Variants in MAD1L1 observed in about 807,000 individuals in gnomAD.
MAD1L1 encodes mitotic spindle assembly checkpoint protein MAD1.
In MAD1L1, 95 loss-of-function variants were observed where a neutral mutation model predicts 96.9. The observed-to-expected ratio is 0.98, with a 90% CI of 0.83 to 1.16. MAD1L1 has a LOEUF of 1.16. MAD1L1 is among the 50% of genes most tolerant of loss of function. MAD1L1 has a pLI of 0.00. For synonymous variants in MAD1L1, 473 were observed against 396.6 expected (o/e 1.19, Z -2.29); for missense variants, 1,007 against 954.4 (o/e 1.06, Z -0.73).
intron 11 of MAD1L1, among the ~76,000 whole-genome samples, chr7:2,144,098 C>A (rs551887217): frequency 6.6e-6 from 1 of 152,340 alleles, no homozygotes; most frequent in South Asian, 2.1e-4. Context: ...GCAAACACAT[C>A]CCACAGAGCT....
chr7:2,197,666 G>A (rs575728018), intron 10 of MAD1L1, among the ~76,000 whole-genome samples: 6 of 152,276 alleles, frequency 3.9e-5, no homozygotes, highest in Non-Finnish European at 8.8e-5. Context: ...AATCCCTCCA[G>A]ACTCGGGCCA....
intron 12 of MAD1L1, among the ~76,000 whole-genome samples, chr7:2,046,011 G>A (rs1423036957): frequency 6.6e-6 from 1 of 152,190 alleles, no homozygotes; most frequent in Non-Finnish European, 1.5e-5. Context: ...TGGAGGCCCT[G>A]TAAGGGAAGG....
At chr7:1,959,919 TA>T (rs914909126) in intron 15 of MAD1L1, among the ~76,000 whole-genome samples, 1 of 151,634 alleles carries the variant, frequency 6.6e-6, no homozygotes, top group Non-Finnish European at 1.5e-5. Flanking sequence ...TCAGGTCTCT[TA>T]AAAAAATTTA....
intron 12 of MAD1L1, among the ~76,000 whole-genome samples, chr7:2,063,812 C>G (rs146685814): frequency 7.2e-4 from 110 of 152,336 alleles, no homozygotes; most frequent in African/African-American, 2.5e-3. Context: ...ACGGGCCACT[C>G]TGACCCTGAG....
chr7:2,010,388 TCTCCACACAC>T (rs1782241179), intron 13 of MAD1L1, among the ~76,000 whole-genome samples: 1 of 152,120 alleles, frequency 6.6e-6, no homozygotes, highest in African/African-American at 2.4e-5. Flanking sequence ...AAACGGGGAT[TCTCCACACAC>T]CTCCACACGG....
intron 10 of MAD1L1, among the ~76,000 whole-genome samples, chr7:2,169,652 C>G (rs1030021587): frequency 6.6e-6 from 1 of 152,162 alleles, no homozygotes; most frequent in Non-Finnish European, 1.5e-5. Context: ...GAACAAGCAG[C>G]GGGTCAAGGT....
At chr7:2,059,401 G>C (rs1784534431) in intron 12 of MAD1L1, among the ~76,000 whole-genome samples, 1 of 150,464 alleles carries the variant, frequency 6.6e-6, no homozygotes, top group Admixed American at 6.6e-5. Context: ...GGGCTGGAGA[G>C]GGAATGTGGC....
At chr7:2,178,066 G>C (rs1791027498) in intron 10 of MAD1L1, among the ~76,000 whole-genome samples, 1 of 152,200 alleles carries the variant, frequency 6.6e-6, no homozygotes, top group African/African-American at 2.4e-5. Flanking sequence ...GAACTGAAGA[G>C]GGAAGTTTTA....
chr7:2,043,870 C>T (rs1406735967), intron 12 of MAD1L1, among the ~76,000 whole-genome samples: 5 of 152,234 alleles, frequency 3.3e-5, no homozygotes, highest in Non-Finnish European at 5.9e-5. Flanking sequence ...CCAGGGAGGG[C>T]CGGGCAAAGC....
intron 12 of MAD1L1, among the ~76,000 whole-genome samples, chr7:2,016,804 C>T (rs1372226109): frequency 6.6e-6 from 1 of 152,236 alleles, no homozygotes; most frequent in African/African-American, 2.4e-5. Context: ...CCAACTAGAA[C>T]GGGTCACGTA....
intron 11 of MAD1L1, among the ~76,000 whole-genome samples, chr7:2,110,126 A>G (rs1224257714): frequency 6.6e-6 from 1 of 152,196 alleles, no homozygotes. Flanking sequence ...GCTCCCCTCC[A>G]CTGATCTCAC....
intron 4 of MAD1L1, among the ~76,000 whole-genome samples, chr7:2,224,669 C>G (rs1793788749): frequency 6.6e-6 from 1 of 152,192 alleles, no homozygotes; most frequent in Non-Finnish European, 1.5e-5. Flanking sequence ...ACTTTCCGCC[C>G]AATACTCTGC....
At chr7:2,064,282 T>TC (rs1226996386) in intron 12 of MAD1L1, among the ~76,000 whole-genome samples, 5 of 151,738 alleles carry the variant, frequency 3.3e-5, no homozygotes, top group African/African-American at 1.2e-4. Context: ...CATGGGAGAC[T>TC]CCAGCACAGC....
chr7:1,927,859 G>A (rs757614277), intron 17 of MAD1L1, among the ~76,000 whole-genome samples: 37 of 152,246 alleles, frequency 2.4e-4, no homozygotes, highest in Non-Finnish European at 4.6e-4. Context: ...GAGGAACACA[G>A]GGTCAGAAAA....
chr7:1,977,992 T>G (rs897015127), intron 15 of MAD1L1, among the ~76,000 whole-genome samples: 12 of 152,364 alleles, frequency 7.9e-5, no homozygotes, highest in Admixed American at 5.2e-4. Flanking sequence ...CTGCCTCGCG[T>G]GGCATTCAGG....
At chr7:1,917,843 C>T (rs1383006887) in intron 17 of MAD1L1, among the ~76,000 whole-genome samples, 2 of 152,184 alleles carry the variant, frequency 1.3e-5, no homozygotes, top group African/African-American at 2.4e-5. Context: ...GTGCCAGGAA[C>T]ATTCTTACCT....
rs985286935 is a variant in MAD1L1, at chr7:2,146,508, G to A, written c.1073+2644C>T. Among the ~76,000 whole-genome samples the A allele has an allele frequency of 6.6e-6, 1 of 152,204 alleles. No homozygotes were observed. The highest frequency in any genetic ancestry group is 1.5e-5 in the Non-Finnish European group (1 of 68,038). On this transcript the variant is annotated intron_variant, in intron 11 of 18. Transcript: ENST00000265854. The surrounding 1 kb of genome is among the most constrained non-coding windows in gnomAD (Gnocchi z 6.2). ...AAAGATGGACACGGCCAACATACTT[G>A]GTAAAAACTGCAGAGGAGAACATAC...
chr7:2,190,554 A>G (rs1791669817), intron 10 of MAD1L1, among the ~76,000 whole-genome samples: 1 of 152,258 alleles, frequency 6.6e-6, no homozygotes, highest in South Asian at 2.1e-4. Flanking sequence ...AATATTCACC[A>G]TACATCTGAC....
At chr7:1,920,273 C>T (rs781657000) in intron 17 of MAD1L1, among the ~76,000 whole-genome samples, 2 of 152,218 alleles carry the variant, frequency 1.3e-5, no homozygotes, top group Non-Finnish European at 2.9e-5. Flanking sequence ...CGTGTGTACA[C>T]ACATTCTACG....
Sources: gnomAD v4.1 joint callset for allele counts (sites outside exome capture counted in the v4.1 genomes callset) on GRCh38, gnomAD v4.1.1 for gene constraint, Gnocchi (gnomAD v3.1) non-coding constraint, MANE v1.5 for transcripts, NCBI Gene and HGNC (gene_info 2026-07-23, HGNC 2026-07-21) for gene names.